The following IGF2BP1 variants were observed in gnomAD, a reference collection of about 807,000 sequenced individuals.
IGF2BP1 encodes the protein insulin like growth factor 2 mRNA binding protein 1.
Under a neutral mutation model 74.9 loss-of-function variants are expected in IGF2BP1, and 11 were observed. The observed-to-expected ratio is 0.15, with a 90% CI of 0.09 to 0.24. The LOEUF (loss-of-function observed/expected upper bound fraction) is 0.24. Among genes scored for constraint, IGF2BP1 ranks in the 10% least tolerant of loss-of-function variants. The pLI is 1.00. For synonymous variants in IGF2BP1, 287 were observed against 281.8 expected (o/e 1.02, Z -0.18); for missense variants, 440 against 757.4 (o/e 0.58, Z 4.92).
In IGF2BP1 at chr17:49,051,266, A is replaced by G. The variant is rs908323823; in HGVS notation, c.*1822A>G. 6.6e-6 allele frequency: 1 copy of G among 152,660 alleles called. No individual in the cohort carries two copies. The highest frequency in any genetic ancestry group is 6.5e-5 in the Admixed American group (1 of 15,286). The allele number at this position is 152,660 out of a possible 1,614,324, so 9.5% of individuals were successfully genotyped here. ...TTTTTTAATGAAAAGAAAAAACAAGAAAGTTATGTTTCATAATTTCTTACA... is the reference window on the plus strand; with the variant it reads ...TTTTTTAATGAAAAGAAAAAACAAGGAAGTTATGTTTCATAATTTCTTACA... On this transcript the variant is annotated 3_prime_UTR_variant, in exon 15 of 15. Coordinates refer to ENST00000290341, the MANE Select transcript of IGF2BP1 (RefSeq NM_006546.4).
In IGF2BP1 at chr17:49,025,857, C is replaced by CT. The variant is rs797001122; in HGVS notation, c.285+206dup. Reference sequence around the variant, plus strand: ...TTCTTTTTCTTTCTTTCTTTTCTTTCTTTTTTTTTTTTTTTGAGATGGAGT... The same window carrying CT: ...TTCTTTTTCTTTCTTTCTTTTCTTTCTTTTTTTTTTTTTTTTGAGATGGAGT... On this transcript the variant is annotated intron_variant, in intron 3 of 14. Coordinates refer to ENST00000290341, the MANE Select transcript of IGF2BP1 (RefSeq NM_006546.4). Among the ~76,000 whole-genome samples, 339 of 94,618 alleles carry CT rather than the reference C, an allele frequency of 3.6e-3. 2 individuals carry two copies. The highest frequency in any genetic ancestry group is 6.3e-3 in the Middle Eastern group (1 of 160). 62.1% of individuals were successfully genotyped at this position (94,618 alleles called of 152,430 possible).
chr17:49,030,297 A>G (rs536551147), intron 4 of IGF2BP1, among the ~76,000 whole-genome samples: 1 of 151,948 alleles, frequency 6.6e-6, no homozygotes, highest in South Asian at 2.1e-4. Context: ...ATGCACCACC[A>G]CACTTGGCTA....
chr17:49,012,147 C>T (rs546877190), intron 2 of IGF2BP1, among the ~76,000 whole-genome samples: 6 of 152,218 alleles, frequency 3.9e-5, no homozygotes, highest in East Asian at 3.9e-4. Context: ...TCAGGCGATC[C>T]GCCCTCCTTT....
At position 48,998,366 on chromosome 17, in the gene IGF2BP1, A is replaced by G. The variant is rs990855291; in HGVS notation, c.175+446A>G. On this transcript the variant is annotated intron_variant, in intron 1 of 14. Transcript: ENST00000290341. The stretch of plus-strand genomic sequence containing the variant: ...AGGCCTTTCCAGGCGTGGAAGGGGT[A>G]CCCGGACCGCCTGCGATCTGTCCGC... Among the ~76,000 whole-genome samples, 4 of 152,250 alleles carry G rather than the reference A, an allele frequency of 2.6e-5. No homozygotes were observed. The East Asian group carries it at 7.7e-4, about 29-fold the overall frequency.
At chr17:49,019,939 TATATATATATTTATATAC>T (rs1350235311) in intron 2 of IGF2BP1, among the ~76,000 whole-genome samples, 5 of 59,788 alleles carry the variant, frequency 8.4e-5, no homozygotes, top group African/African-American at 4.4e-4. Flanking sequence ...TATATATATA[TATATATATATTTATATAC>T]ACACACACAC....
chr17:49,040,795 A>G (rs1181580430), intron 7 of IGF2BP1, among the ~76,000 whole-genome samples: 3 of 152,240 alleles, frequency 2.0e-5, no homozygotes, highest in Non-Finnish European at 4.4e-5. Flanking sequence ...AGTTCATGTA[A>G]TCAATCTCCT....
At position 48,997,813 on chromosome 17, in the gene IGF2BP1, C is replaced by T. The variant is rs772846567; in HGVS notation, c.68C>T (p.Ala23Val). 2 of 1,614,152 alleles carry T rather than the reference C, an allele frequency of 1.2e-6. No individual in the cohort carries two copies. Among genetic ancestry groups the T allele is most frequent in the South Asian group, 1.1e-5 (1 of 91,070 alleles). Residue 23 changes from alanine to valine, a missense_variant, in exon 1 of 15, where the codon GCG becomes GTG. Transcript: ENST00000290341. The surrounding 1 kb of genome is among the most constrained non-coding windows in gnomAD (Gnocchi z 4.8). Reference protein sequence around the residue: ...VTPADLEKVFAEHKISYSGQF... With the variant: ...VTPADLEKVFVEHKISYSGQF... ...CCCGCGGACTTGGAGAAAGTGTTTG[C>T]GGAGCACAAGATCTCCTACAGCGGC...
rs2042177221 is a variant in IGF2BP1, at chr17:49,052,341, G to A, written c.*2897G>A. On this transcript the variant is annotated 3_prime_UTR_variant, in exon 15 of 15. Coordinates refer to ENST00000290341, the MANE Select transcript of IGF2BP1 (RefSeq NM_006546.4). ...CAAGCATGCTTTGATATCTGGTTCA[G>A]ACTATCATCAGGAAGAAAAAAAAAT... The A allele has an allele frequency of 6.6e-6, 1 of 152,132 alleles. No individual in the cohort carries two copies. The highest frequency in any genetic ancestry group is 6.6e-5 in the Admixed American group (1 of 15,264). 9.4% of individuals were successfully genotyped at this position (152,132 alleles called of 1,614,324 possible).
chr17:49,009,384 T>C (rs1346769236), intron 2 of IGF2BP1, among the ~76,000 whole-genome samples: 4 of 151,134 alleles, frequency 2.6e-5, no homozygotes, highest in African/African-American at 7.3e-5. Context: ...AAACTTAGGT[T>C]TTTCTCTTTA....
At chr17:49,025,785 G>T in intron 3 of IGF2BP1, 119 bp downstream of exon 3, 1 of 723,546 alleles carries the variant, frequency 1.4e-6, no homozygotes, top group East Asian at 2.7e-5. Flanking sequence ...AGGGAGGCCT[G>T]GGTCTCATCC....
intron 5 of IGF2BP1, among the ~76,000 whole-genome samples, chr17:49,032,747 C>T (rs1033893411): frequency 2.0e-5 from 3 of 151,972 alleles, no homozygotes; most frequent in Non-Finnish European, 4.4e-5. Flanking sequence ...TCCTACTGCC[C>T]CTTGTGGCCA....
chr17:49,034,226 C>T (rs2144094017), intron 5 of IGF2BP1, among the ~76,000 whole-genome samples: 1 of 150,762 alleles, frequency 6.6e-6, no homozygotes, highest in South Asian at 2.1e-4. Context: ...TTTCCTGCCT[C>T]AGCCTCCCGA....
intron 2 of IGF2BP1, among the ~76,000 whole-genome samples, chr17:49,018,221 A>C (rs1234712555): frequency 6.6e-6 from 1 of 152,164 alleles, no homozygotes. Context: ...ATAACAACAA[A>C]AAAGAATGGC....
At chr17:49,030,196 C>G (rs1482454158) in intron 4 of IGF2BP1, among the ~76,000 whole-genome samples, 3 of 140,060 alleles carry the variant, frequency 2.1e-5, no homozygotes, top group Non-Finnish European at 3.0e-5. Context: ...GTCTGAAGTT[C>G]AGTGGTGCAG....
chr17:49,006,394 C>T (rs906336441), intron 2 of IGF2BP1, among the ~76,000 whole-genome samples: 1 of 152,164 alleles, frequency 6.6e-6, no homozygotes, highest in Non-Finnish European at 1.5e-5. Context: ...AAAGGTCTTC[C>T]TCCCAGGAGA....
chr17:49,054,989 GC>G lies in IGF2BP1; in HGVS notation c.*5549del, dbSNP rs2042208875. On this transcript the variant is annotated 3_prime_UTR_variant, in exon 15 of 15. Coordinates refer to ENST00000290341, the MANE Select transcript of IGF2BP1 (RefSeq NM_006546.4). Reference sequence around the variant, plus strand: ...CCCTCTAATGGACCTCCTCATAGAAGCCCCATTTCACTTTTGTTTTATCTAC... The same window carrying G: ...CCCTCTAATGGACCTCCTCATAGAAGCCCATTTCACTTTTGTTTTATCTAC... 1.1e-5 allele frequency: 1 copy of G among 88,882 alleles called. No individual in the cohort carries two copies. The highest frequency in any genetic ancestry group is 4.5e-5 in the African/African-American group (1 of 22,268). The allele number at this position is 88,882 out of a possible 1,614,324, so 5.5% of individuals were successfully genotyped here.
intron 2 of IGF2BP1, among the ~76,000 whole-genome samples, chr17:48,999,429 A>G (rs529823934): frequency 6.6e-6 from 1 of 152,152 alleles, no homozygotes; most frequent in Admixed American, 6.5e-5. Flanking sequence ...GGGAAAGAAA[A>G]TCAATAGGGG....
At chr17:49,009,137 C>T (rs942944826) in intron 2 of IGF2BP1, among the ~76,000 whole-genome samples, 3 of 151,980 alleles carry the variant, frequency 2.0e-5, no homozygotes, top group African/African-American at 7.3e-5. Flanking sequence ...AAGCGATTCT[C>T]CTGCCTCAGC....
In IGF2BP1 at chr17:49,052,849, A is replaced by C. The variant is rs1188233354; in HGVS notation, c.*3405A>C. 6.6e-6 allele frequency: 1 copy of C among 152,598 alleles called. No individual in the cohort carries two copies. Among genetic ancestry groups the C allele is most frequent in the Non-Finnish European group, 1.5e-5 (1 of 68,048 alleles). The allele number at this position is 152,598 out of a possible 1,614,324, so 9.5% of individuals were successfully genotyped here. The stretch of plus-strand genomic sequence containing the variant: ...ATATATATGTGTGTGTGTGTGCTAC[A>C]TATATATTTTTAAGAAAGGACCATC... On this transcript the variant is annotated 3_prime_UTR_variant, in exon 15 of 15. Coordinates refer to ENST00000290341, the MANE Select transcript of IGF2BP1 (RefSeq NM_006546.4).
Sources: allele counts gnomAD v4.1 joint callset (sites outside exome capture counted in the v4.1 genomes callset), GRCh38; gene constraint gnomAD v4.1.1; non-coding constraint Gnocchi (gnomAD v3.1); transcripts MANE v1.5; gene names NCBI Gene and HGNC (gene_info 2026-07-23, HGNC 2026-07-21).